INSYN2B: variants seen among roughly 807,000 people sequenced by gnomAD.
INSYN2B encodes protein INSYN2B.
In INSYN2B, 16 loss-of-function variants were observed where a neutral mutation model predicts 41.2. The observed-to-expected ratio is 0.39, with a 90% CI of 0.26 to 0.59. The LOEUF (loss-of-function observed/expected upper bound fraction) is 0.59. Ranked by LOEUF, INSYN2B falls within the 20% of genes least tolerant of loss-of-function variation. The probability of loss-of-function intolerance (pLI) is 0.57; values close to 1 mark genes in which losing one functional copy is unlikely to be tolerated. For synonymous variants in INSYN2B, 245 were observed against 244.4 expected, an observed-to-expected ratio of 1.00 and a Z score of -0.02; for missense variants, 608 against 646.4, an observed-to-expected ratio of 0.94 and a Z score of 0.64.
At position 169,979,882 on chromosome 5, in the gene INSYN2B, C is replaced by G. The variant is rs147224601; in HGVS notation, c.-919+395G>C. On this transcript the variant is annotated intron_variant, in intron 1 of 3. Coordinates refer to ENST00000377365, the MANE Select transcript of INSYN2B (RefSeq NM_001129891.3). ...GTTTTTTTCATAAAACAGCCACTCT[C>G]TCTAGATGGGGACTAGAATCCCCCT... is the stretch of plus-strand genomic sequence containing the variant. Among the ~76,000 whole-genome samples the G allele has an allele frequency of 2.0e-3, 299 of 152,272 alleles. 3 individuals are homozygous for G. Among genetic ancestry groups the G allele is most frequent in the African/African-American group, 6.9e-3 (287 of 41,542 alleles).
chr5:169,950,140 C>A (rs1284266246), intron 1 of INSYN2B, among the ~76,000 whole-genome samples: 1 of 152,166 alleles, frequency 6.6e-6, no homozygotes, highest in Non-Finnish European at 1.5e-5. Flanking sequence ...TTCTGTTCTA[C>A]TATCATGAGA....
chr5:169,956,464 G>A (rs1430492518), intron 1 of INSYN2B, among the ~76,000 whole-genome samples: 2 of 152,190 alleles, frequency 1.3e-5, no homozygotes, highest in African/African-American at 4.8e-5. Flanking sequence ...AAGCACAACA[G>A]GTTGGATTCA....
At chr5:169,902,849 C>T (rs1292719137) in intron 1 of INSYN2B, among the ~76,000 whole-genome samples, 2 of 152,064 alleles carry the variant, frequency 1.3e-5, no homozygotes, top group Non-Finnish European at 2.9e-5. Flanking sequence ...CCTGTAATCC[C>T]AACAGTTTGG....
rs1199435860 is a variant in INSYN2B, at chr5:169,864,399, C to T, written c.1482G>A (p.Glu494=). ...GRFHEVLQSL[E]EAEPVEEASP... ...ATGCCTCCTCAACTGGCTCTGCTTC[C>T]TCCAGACTCTGCAAAACTTCATGGA... Residue 494 remains glutamate (E), a synonymous_variant, in exon 4 of 4, where the codon GAG becomes GAA. Transcript: ENST00000377365. 6.4e-7 allele frequency: 1 copy of T among 1,551,284 alleles called. No homozygotes were observed. The highest frequency in any genetic ancestry group is 1.4e-5 in the African/African-American group (1 of 73,132).
At chr5:169,920,105 C>G (rs1197168361) in intron 1 of INSYN2B, among the ~76,000 whole-genome samples, 1 of 152,068 alleles carries the variant, frequency 6.6e-6, no homozygotes, top group Admixed American at 6.6e-5. Context: ...TAAAGAAACA[C>G]CAAGAGATTG....
intron 3 of INSYN2B, 98 bp downstream of exon 3, chr5:169,881,270 G>T: frequency 4.2e-6 from 4 of 946,746 alleles, no homozygotes; most frequent in South Asian, 3.0e-5. Context: ...CCTTGTTTTT[G>T]CCTCTCTTGA....
intron 1 of INSYN2B, among the ~76,000 whole-genome samples, chr5:169,939,844 G>A (rs986941707): frequency 6.6e-6 from 1 of 152,152 alleles, no homozygotes; most frequent in Non-Finnish European, 1.5e-5. Flanking sequence ...TCTGTGTCAG[G>A]CACTGAATAA....
intron 1 of INSYN2B, among the ~76,000 whole-genome samples, chr5:169,915,514 T>C (rs1774824637): frequency 6.6e-6 from 1 of 151,432 alleles, no homozygotes; most frequent in African/African-American, 2.4e-5. Flanking sequence ...TCATTTCCAA[T>C]TTGCCTGGCT....
intron 1 of INSYN2B, among the ~76,000 whole-genome samples, chr5:169,900,453 A>G (rs1773858121): frequency 6.6e-6 from 1 of 152,226 alleles, no homozygotes; most frequent in Admixed American, 6.5e-5. Flanking sequence ...GGCAAATGTC[A>G]GGAGAAGACT....
At chr5:169,885,435 G>A (rs1044464195) in intron 1 of INSYN2B, among the ~76,000 whole-genome samples, 2 of 152,104 alleles carry the variant, frequency 1.3e-5, no homozygotes, top group Non-Finnish European at 2.9e-5. Context: ...AAGGTCCTAG[G>A]GTATCCTGCT....
chr5:169,867,591 G>A (rs1004473560), intron 3 of INSYN2B, among the ~76,000 whole-genome samples: 53 of 150,656 alleles, frequency 3.5e-4, no homozygotes, highest in Admixed American at 2.6e-3. Context: ...GTCATCTATC[G>A]TTATCTATCC....
chr5:169,906,374 C>T (rs930444659), intron 1 of INSYN2B, among the ~76,000 whole-genome samples: 5 of 152,138 alleles, frequency 3.3e-5, no homozygotes, highest in East Asian at 1.9e-4. Context: ...AGCAAACGGG[C>T]GTTCATCTCA....
intron 1 of INSYN2B, among the ~76,000 whole-genome samples, chr5:169,929,429 G>A (rs1165865638): frequency 3.3e-5 from 5 of 152,132 alleles, no homozygotes; most frequent in African/African-American, 1.2e-4. Context: ...CATGGGATGA[G>A]ATAAGATGGT....
At position 169,864,409 on chromosome 5, in the gene INSYN2B, T is replaced by C. The variant is rs986158963; in HGVS notation, c.1472A>G (p.Gln491Arg). ...QQEGRFHEVL[Q>R]SLEEAEPVEE... is the part of the protein sequence containing the mutation. Reference sequence around the variant, plus strand: ...AACTGGCTCTGCTTCCTCCAGACTCTGCAAAACTTCATGGAACCTGCCTTC... The same window carrying C: ...AACTGGCTCTGCTTCCTCCAGACTCCGCAAAACTTCATGGAACCTGCCTTC... Residue 491 changes from glutamine (Q) to arginine (R), a missense_variant, in exon 4 of 4, where the codon CAG (glutamine) becomes CGG (arginine). Coordinates refer to ENST00000377365, the MANE Select transcript of INSYN2B (RefSeq NM_001129891.3). 9.7e-6 allele frequency: 15 copies of C among 1,550,548 alleles called. No individual in the cohort carries two copies. Among genetic ancestry groups the C allele is most frequent in the Non-Finnish European group, 1.3e-5 (15 of 1,146,572 alleles).
At chr5:169,887,830 C>T (rs916905638) in intron 1 of INSYN2B, among the ~76,000 whole-genome samples, 1 of 152,180 alleles carries the variant, frequency 6.6e-6, no homozygotes, top group Admixed American at 6.5e-5. Context: ...TGAAGTTCTA[C>T]TAACGTGCAA....
At chr5:169,962,254 T>A (rs367630583) in intron 1 of INSYN2B, among the ~76,000 whole-genome samples, 1 of 152,072 alleles carries the variant, frequency 6.6e-6, no homozygotes, top group Admixed American at 6.5e-5. Flanking sequence ...GGAGACATCG[T>A]GGTGGACTGA....
chr5:169,883,806 C>T lies in INSYN2B; in HGVS notation c.93G>A (p.Arg31=). The T allele has an allele frequency of 6.4e-7, 1 of 1,551,292 alleles. No individual in the cohort carries two copies. The highest frequency in any genetic ancestry group is 1.2e-5 in the South Asian group (1 of 84,022). The part of the protein sequence containing the change: ...VEFVKQPHHR[R]SKSQQVRFKE... ...TGAATCTCACCTGCTGGGATTTGCT[C>T]CTGCGGTGGTGAGGTTGTTTCACAA... The change falls in exon 2 of 4, where the codon AGG becomes AGA. Residue 31 remains arginine, a synonymous_variant. Transcript: ENST00000377365.
intron 1 of INSYN2B, among the ~76,000 whole-genome samples, chr5:169,916,288 G>C (rs1268434839): frequency 6.6e-6 from 1 of 152,210 alleles, no homozygotes; most frequent in Non-Finnish European, 1.5e-5. Context: ...ACAGGAGCCT[G>C]TGACTTGGGA....
chr5:169,890,783 C>T (rs150069804), intron 1 of INSYN2B, among the ~76,000 whole-genome samples: 1 of 152,134 alleles, frequency 6.6e-6, no homozygotes, highest in Non-Finnish European at 1.5e-5. Flanking sequence ...TTCTATATAC[C>T]ATGTTTGACT....
Sources: allele counts gnomAD v4.1 joint callset (sites outside exome capture counted in the v4.1 genomes callset), GRCh38; gene constraint gnomAD v4.1.1; transcripts MANE v1.5; gene names NCBI Gene and HGNC (gene_info 2026-07-23, HGNC 2026-07-21).